Variants in SNTB1 observed in about 807,000 individuals in gnomAD.
SNTB1 encodes the protein beta-1-syntrophin.
A neutral mutation model predicts 48.9 loss-of-function variants in SNTB1; 36 were observed. The ratio of observed to expected loss-of-function variants is 0.74; its 90% CI spans 0.56 to 0.97. SNTB1 has a LOEUF of 0.97. Ranked by LOEUF, SNTB1 falls within the 50% of genes least tolerant of loss-of-function variation. The pLI, the probability that SNTB1 is intolerant of heterozygous loss-of-function variation, is 0.00. For synonymous variants in SNTB1, 299 were observed against 294.6 expected (o/e 1.01, Z -0.15); for missense variants, 786 against 703.4 (o/e 1.12, Z -1.33).
chr8:120,810,294 T>C (rs1264913456), intron 1 of SNTB1, among the ~76,000 whole-genome samples: 1 of 152,152 alleles, frequency 6.6e-6, no homozygotes, highest in Non-Finnish European at 1.5e-5. Flanking sequence ...AAGTGAGAAA[T>C]GCAGCTGTAG....
At chr8:120,708,376 C>G (rs145060643) in intron 1 of SNTB1, among the ~76,000 whole-genome samples, 1 of 151,884 alleles carries the variant, frequency 6.6e-6, no homozygotes. Context: ...TCTACCAAAT[C>G]GTTAAAGAAC....
intron 2 of SNTB1, chr8:120,637,767 T>A (rs1817106724): frequency 5.3e-6 from 2 of 377,888 alleles, no homozygotes; most frequent in Non-Finnish European, 1.0e-5. Context: ...CATTCTGTAA[T>A]GTTTCTGCGT....
At chr8:120,680,312 C>T (rs547927994) in intron 2 of SNTB1, among the ~76,000 whole-genome samples, 1 of 152,316 alleles carries the variant, frequency 6.6e-6, no homozygotes, top group South Asian at 2.1e-4. Flanking sequence ...TTGATTGATG[C>T]AGCCTCAACA....
At chr8:120,805,549 A>G (rs1378896075) in intron 1 of SNTB1, among the ~76,000 whole-genome samples, 1 of 145,580 alleles carries the variant, frequency 6.9e-6, no homozygotes, top group African/African-American at 2.8e-5. Context: ...AAGATTTAAA[A>G]ATAAAAATTA....
At chr8:120,736,012 C>T (rs1482398930) in intron 1 of SNTB1, among the ~76,000 whole-genome samples, 1 of 152,070 alleles carries the variant, frequency 6.6e-6, no homozygotes, top group African/African-American at 2.4e-5. Flanking sequence ...GTTTAATTGA[C>T]TCACAGTTCA....
chr8:120,757,352 G>A (rs1286426133), intron 1 of SNTB1, among the ~76,000 whole-genome samples: 1 of 152,120 alleles, frequency 6.6e-6, no homozygotes, highest in Non-Finnish European at 1.5e-5. Flanking sequence ...GAGATGGCAA[G>A]GTGATTACAG....
In SNTB1 at chr8:120,644,654, T is replaced by C. The variant is rs553843833; in HGVS notation, c.789-12003A>G. Among the ~76,000 whole-genome samples, 7 of 152,116 alleles carry C rather than the reference T, an allele frequency of 4.6e-5. No individual in the cohort carries two copies. The East Asian group carries it at 9.7e-4, about 21-fold the overall frequency. On this transcript the variant is annotated intron_variant, in intron 2 of 6. Coordinates refer to ENST00000517992, the MANE Select transcript of SNTB1 (RefSeq NM_021021.4). The stretch of plus-strand genomic sequence containing the variant: ...GCATGTGTCTTTATAGCAGCATGAT[T>C]TATAGTCCTTTGGGTATATACCCAG...
At chr8:120,674,015 T>A (rs1479681343) in intron 2 of SNTB1, among the ~76,000 whole-genome samples, 1 of 152,168 alleles carries the variant, frequency 6.6e-6, no homozygotes, top group Admixed American at 6.5e-5. Context: ...TTTTCCCTCA[T>A]AAGCAGAGCC....
intron 1 of SNTB1, among the ~76,000 whole-genome samples, chr8:120,711,886 T>G (rs1818469184): frequency 6.6e-6 from 1 of 152,210 alleles, no homozygotes; most frequent in South Asian, 2.1e-4. Context: ...TTCTTTTCTT[T>G]TTTAAATCCT....
chr8:120,645,214 T>C (rs1243164512), intron 2 of SNTB1, among the ~76,000 whole-genome samples: 2 of 152,206 alleles, frequency 1.3e-5, no homozygotes, highest in African/African-American at 4.8e-5. Flanking sequence ...TTGCTTTTGG[T>C]ATTTTAGACA....
intron 1 of SNTB1, among the ~76,000 whole-genome samples, chr8:120,741,596 A>G (rs746756778): frequency 2.0e-5 from 3 of 152,226 alleles, no homozygotes; most frequent in Non-Finnish European, 4.4e-5. Flanking sequence ...GTGATGTGAC[A>G]GAGCCAGAGT....
At chr8:120,664,701 T>C (rs1165790348) in intron 2 of SNTB1, among the ~76,000 whole-genome samples, 4 of 152,216 alleles carry the variant, frequency 2.6e-5, no homozygotes, top group African/African-American at 9.6e-5. Context: ...TTCTAGTTTT[T>C]GGTTATAGTA....
intron 6 of SNTB1, among the ~76,000 whole-genome samples, chr8:120,539,554 G>A (rs1047170491): frequency 2.6e-5 from 4 of 152,160 alleles, no homozygotes; most frequent in African/African-American, 9.7e-5. Flanking sequence ...CACATCTCTG[G>A]GAAGGCACCA....
intron 3 of SNTB1, among the ~76,000 whole-genome samples, chr8:120,586,887 G>T (rs921897340): frequency 2.6e-4 from 39 of 152,140 alleles, no homozygotes; most frequent in Admixed American, 2.6e-4. Flanking sequence ...GAAACTGGAG[G>T]TTCATTATTG....
intron 3 of SNTB1, among the ~76,000 whole-genome samples, chr8:120,595,875 A>G (rs988979849): frequency 2.0e-5 from 3 of 151,962 alleles, no homozygotes; most frequent in Non-Finnish European, 4.4e-5. Context: ...TTCTTAATAA[A>G]CTTGCTTTCA....
At chr8:120,578,135 G>T (rs1339591803) in intron 3 of SNTB1, among the ~76,000 whole-genome samples, 1 of 151,990 alleles carries the variant, frequency 6.6e-6, no homozygotes. Flanking sequence ...TGGGGTTCAC[G>T]CCATTCTCCT....
chr8:120,590,576 T>C (rs554152963), intron 3 of SNTB1, among the ~76,000 whole-genome samples: 13 of 152,250 alleles, frequency 8.5e-5, no homozygotes, highest in African/African-American at 3.1e-4. Flanking sequence ...GCAGGGCCCA[T>C]CACATATGAA....
At chr8:120,640,196 T>C (rs1052989350) in intron 2 of SNTB1, among the ~76,000 whole-genome samples, 1 of 152,050 alleles carries the variant, frequency 6.6e-6, no homozygotes, top group Non-Finnish European at 1.5e-5. Context: ...TATTGGTGTA[T>C]AAGAATGCTT....
intron 3 of SNTB1, among the ~76,000 whole-genome samples, chr8:120,604,556 C>T (rs1321735863): frequency 1.3e-5 from 2 of 151,496 alleles, no homozygotes; most frequent in Non-Finnish European, 2.9e-5. Context: ...CGGGTTCAGG[C>T]AATTCTGCCT....
Sources: gnomAD v4.1 joint callset for allele counts (sites outside exome capture counted in the v4.1 genomes callset) on GRCh38, gnomAD v4.1.1 for gene constraint, MANE v1.5 for transcripts, NCBI Gene and HGNC (gene_info 2026-07-23, HGNC 2026-07-21) for gene names.